The following SOD2 variants were observed in gnomAD, a reference collection of about 807,000 sequenced individuals.
SOD2 encodes the protein superoxide dismutase 2.
A neutral mutation model predicts 27.0 loss-of-function variants in SOD2; 11 were observed. The ratio of observed to expected loss-of-function variants is 0.41; its 90% CI spans 0.26 to 0.67. The LOEUF is 0.67. SOD2 is among the 30% of genes least tolerant of loss of function. The probability of loss-of-function intolerance (pLI) is 0.34; values close to 1 mark genes in which losing one functional copy is unlikely to be tolerated. For missense variants in SOD2, 250 were observed against 274.5 expected, an observed-to-expected ratio of 0.91 and a Z score of 0.63; for synonymous variants, 105 against 103.0, an observed-to-expected ratio of 1.02 and a Z score of -0.12.
chr6:159,684,355 T>C (rs769496476), intron 4 of SOD2, among the ~76,000 whole-genome samples: 2 of 152,118 alleles, frequency 1.3e-5, no homozygotes, highest in African/African-American at 2.4e-5. Context: ...TGGTGGCTCA[T>C]GCCTGTAATC....
upstream of SOD2, among the ~76,000 whole-genome samples, chr6:159,694,540 G>A (rs879834292): frequency 2.0e-5 from 3 of 152,080 alleles, no homozygotes; most frequent in Non-Finnish European, 2.9e-5. Context: ...ACGTGTTGGG[G>A]TGAAAAAGGA....
upstream of SOD2, among the ~76,000 whole-genome samples, chr6:159,728,187 C>T (rs1778333574): frequency 6.6e-6 from 1 of 152,208 alleles, no homozygotes; most frequent in South Asian, 2.1e-4. Flanking sequence ...TGAGTATAAG[C>T]ATTCTGAGGA....
At position 159,692,805 on chromosome 6, in the gene SOD2, G is replaced by A; in HGVS notation, c.82C>T (p.Leu28Phe). 6.2e-7 allele frequency: 1 copy of A among 1,614,014 alleles called. No individual in the cohort carries two copies. Among genetic ancestry groups the A allele is most frequent in the Non-Finnish European group, 8.5e-7 (1 of 1,180,004 alleles). ...GYLGSRQKHS[L>F]PDLPYDYGAL... ...CCGTAGTCGTAGGGCAGGTCGGGGA[G>A]GCTGTGCTTCTGCCTGGAGCCCAGA... The change falls in exon 2 of 5, where the codon CTC becomes TTC. Residue 28 changes from leucine to phenylalanine, a missense_variant. By Grantham distance (22) the Leu-to-Phe change is conservative. Coordinates refer to ENST00000538183, the MANE Select transcript of SOD2 (RefSeq NM_000636.4).
rs928516816 is a variant in SOD2 at position 159,673,506 on chromosome 6, A to G, written c.*8987T>C. 7 of 152,368 alleles carry G rather than the reference A, an allele frequency of 4.6e-5. No individual in the cohort carries two copies. The highest frequency in any genetic ancestry group is 1.4e-4 in the African/African-American group (6 of 41,584). The allele number at this position is 152,368 out of a possible 1,614,324, so 9.4% of individuals were successfully genotyped here. The stretch of plus-strand genomic sequence containing the variant: ...CTGCTCCTGAATGACTACTGGGTAC[A>G]TAACAAAATGAAGGCAGAAATAAAG... On this transcript the variant is annotated 3_prime_UTR_variant, in exon 5 of 5. Transcript: ENST00000538183.
chr6:159,738,992 T>G, intron 1 of SOD2: 2 of 1,610,640 alleles, frequency 1.2e-6, no homozygotes, highest in East Asian at 2.2e-5. Flanking sequence ...CTTTATAGGT[T>G]CGATTGAGTG....
intron 2 of SOD2, chr6:159,691,725 A>AG (rs1342375370): frequency 8.1e-5 from 7 of 86,800 alleles, no homozygotes; most frequent in Admixed American, 5.8e-4. Flanking sequence ...CGAGCTCTTG[A>AG]GAAAAAAAAA....
At chr6:159,758,014 T>C (rs1480134525) in intron 1 of SOD2, among the ~76,000 whole-genome samples, 1 of 152,230 alleles carries the variant, frequency 6.6e-6, no homozygotes, top group South Asian at 2.1e-4. Flanking sequence ...CCTTGATGAA[T>C]AACTCAGAGC....
In SOD2 at chr6:159,685,043, A is replaced by C. The variant is rs200275756; in HGVS notation, c.344-10T>G. The C allele has an allele frequency of 2.0e-5, 31 of 1,575,320 alleles. No homozygotes were observed. Among genetic ancestry groups the C allele is most frequent in the Non-Finnish European group, 2.5e-5 (29 of 1,164,140 alleles). On this transcript the variant is annotated splice_polypyrimidine_tract_variant and intron_variant, in intron 3 of 4. Transcript: ENST00000538183. ...GCTTCCAGCAACTCCCCTATTAAAA[A>C]AAAAATCCAAAACCACCCACAAATG... is the stretch of plus-strand genomic sequence containing the variant.
chr6:159,748,117 G>A, upstream of SOD2: 2 of 1,525,170 alleles, frequency 1.3e-6, no homozygotes, highest in Admixed American at 1.9e-5. This position sits in a 1 kb window ranked among gnomAD's most constrained non-coding sequence, Gnocchi z 5.6. Context: ...TCAAGTGAAT[G>A]GAGGGAGTTT....
chr6:159,750,526 G>A (rs1252745073), intron 1 of SOD2, among the ~76,000 whole-genome samples: 1 of 151,898 alleles, frequency 6.6e-6, no homozygotes. Flanking sequence ...CTTTTTCTTG[G>A]GTATCATCAA....
At chr6:159,752,642 A>G (rs2114956613) in intron 1 of SOD2, among the ~76,000 whole-genome samples, 1 of 152,054 alleles carries the variant, frequency 6.6e-6, no homozygotes, top group South Asian at 2.1e-4. Flanking sequence ...ATCTTTTCCA[A>G]TAAAGTCTTA....
rs970298310 is a variant in SOD2, at chr6:159,673,791, A to T, written c.*8702T>A. ...ACAGAGACACAAAAAAACCTTCAAAAAATGAATGAATCCAGGAGCTGGTTT... is the reference window on the plus strand; with the variant it reads ...ACAGAGACACAAAAAAACCTTCAAATAATGAATGAATCCAGGAGCTGGTTT... On this transcript the variant is annotated 3_prime_UTR_variant, in exon 5 of 5. Transcript: ENST00000538183. 3.9e-5 allele frequency: 6 copies of T among 152,238 alleles called. No homozygotes were observed. Among genetic ancestry groups the T allele is most frequent in the African/African-American group, 1.2e-4 (5 of 41,452 alleles). 9.4% of individuals were successfully genotyped at this position (152,238 alleles called of 1,614,324 possible).
upstream of SOD2, among the ~76,000 whole-genome samples, chr6:159,694,774 T>G (rs1777387145): frequency 6.6e-6 from 1 of 150,836 alleles, no homozygotes; most frequent in East Asian, 1.9e-4. Flanking sequence ...TTTTTTTTTT[T>G]TGTATTTTTG....
chr6:159,711,241 T>C (rs1223659918), intron 1 of SOD2, among the ~76,000 whole-genome samples: 4 of 54,162 alleles, frequency 7.4e-5, no homozygotes, highest in South Asian at 1.4e-3. Flanking sequence ...CAACCACCAC[T>C]CACATTGCTC....
intron 1 of SOD2, chr6:159,743,644 A>G: frequency 6.3e-7 from 1 of 1,576,468 alleles, no homozygotes; most frequent in Non-Finnish European, 8.6e-7. Context: ...TTGTATTTAT[A>G]ATTTTTTTTT....
chr6:159,757,830 T>C (rs998239549), intron 1 of SOD2, among the ~76,000 whole-genome samples: 2 of 152,260 alleles, frequency 1.3e-5, no homozygotes, highest in African/African-American at 4.8e-5. Flanking sequence ...GCTTTTGTTA[T>C]GTACATCCTT....
rs1171794447 is a variant in SOD2 at position 159,674,658 on chromosome 6, C to T, written c.*7835G>A. 2 of 152,168 alleles carry T rather than the reference C, an allele frequency of 1.3e-5. No homozygotes were observed. The highest frequency in any genetic ancestry group is 2.9e-5 in the Non-Finnish European group (2 of 68,040). The allele number at this position is 152,168 out of a possible 1,614,324, so 9.4% of individuals were successfully genotyped here. On this transcript the variant is annotated 3_prime_UTR_variant, in exon 5 of 5. Transcript: ENST00000538183. ...CAATATCAGACTGAATGGGCAAAAA[C>T]TGGAAGCATTCCCTTTGAAAACTGG...
upstream of SOD2, chr6:159,748,945 C>T: frequency 1.8e-6 from 2 of 1,110,890 alleles, no homozygotes; most frequent in Non-Finnish European, 2.2e-6. This position sits in a 1 kb window ranked among gnomAD's most constrained non-coding sequence, Gnocchi z 5.6. Flanking sequence ...GTGAATTTTG[C>T]CTTTAAAGGG....
At position 159,681,168 on chromosome 6, in the gene SOD2, GTGTGC is replaced by G. The variant is rs199970258; in HGVS notation, c.*1320_*1324del. 0.21 allele frequency: 31,788 copies of G among 151,904 alleles called. 3,786 individuals carry two copies. Among genetic ancestry groups the G allele is most frequent in the Non-Finnish European group, 0.27 (18,352 of 67,920 alleles). The allele number at this position is 151,904 out of a possible 1,614,324, so 9.4% of individuals were successfully genotyped here. On this transcript the variant is annotated 3_prime_UTR_variant, in exon 5 of 5. Transcript: ENST00000538183. ...GACGGAGCAGGGACCCCTCTTTGGG[GTGTGC>G]CAGGGGGATTCCCACAAGCACAGAA...
Sources: gnomAD v4.1 joint callset for allele counts (sites outside exome capture counted in the v4.1 genomes callset) on GRCh38, gnomAD v4.1.1 for gene constraint, Gnocchi (gnomAD v3.1) non-coding constraint, MANE v1.5 for transcripts, NCBI Gene and HGNC (gene_info 2026-07-23, HGNC 2026-07-21) for gene names.